The following BANK1 variants were observed in gnomAD, a reference collection of about 807,000 sequenced individuals.
The protein encoded by BANK1 is B-cell scaffold protein with ankyrin repeats.
BANK1 carries 95 observed loss-of-function variants against 94.5 expected under a neutral mutation model. That is an observed-to-expected ratio of 1.00 (90% CI 0.85 to 1.19). The LOEUF is 1.19. Ranked by LOEUF, BANK1 falls within the 50% of genes most tolerant of loss-of-function variation. The probability of loss-of-function intolerance (pLI) is 0.00; values close to 1 mark genes in which losing one functional copy is unlikely to be tolerated. For synonymous variants in BANK1, 334 were observed against 308.4 expected (o/e 1.08, Z -0.87); for missense variants, 987 against 932.2 (o/e 1.06, Z -0.77).
chr4:101,847,894 C>A (rs1234472007), intron 2 of BANK1, among the ~76,000 whole-genome samples: 1 of 152,106 alleles, frequency 6.6e-6, no homozygotes. Flanking sequence ...TTGCCCCGTT[C>A]AAATTGTTAC....
At chr4:101,837,395 A>T (rs1198327184) in intron 2 of BANK1, among the ~76,000 whole-genome samples, 2 of 152,160 alleles carry the variant, frequency 1.3e-5, no homozygotes, top group East Asian at 3.9e-4. Context: ...AATTAAAGTG[A>T]TGGATTGTTT....
chr4:101,834,814 A>C (rs537806954), intron 2 of BANK1, among the ~76,000 whole-genome samples: 1 of 152,336 alleles, frequency 6.6e-6, no homozygotes, highest in East Asian at 1.9e-4. Flanking sequence ...CATGGAAATA[A>C]TTAAATGTTC....
At chr4:102,008,479 A>G (rs1023572850) in intron 7 of BANK1, among the ~76,000 whole-genome samples, 1 of 152,254 alleles carries the variant, frequency 6.6e-6, no homozygotes, top group South Asian at 2.1e-4. Flanking sequence ...GGAGTTGTAA[A>G]TAAAATTGTA....
intron 7 of BANK1, among the ~76,000 whole-genome samples, chr4:102,010,197 A>G (rs555064664): frequency 9.9e-4 from 150 of 151,702 alleles, no homozygotes; most frequent in Middle Eastern, 3.4e-3. Flanking sequence ...CCCGGGAGGC[A>G]GAGCTTGCAG....
chr4:101,818,135 T>C (rs1725991882), intron 1 of BANK1, among the ~76,000 whole-genome samples: 1 of 152,202 alleles, frequency 6.6e-6, no homozygotes, highest in Non-Finnish European at 1.5e-5. Flanking sequence ...CTGTATGGCA[T>C]ATAGATATGG....
chr4:101,933,881 C>A (rs1173265643), intron 7 of BANK1, among the ~76,000 whole-genome samples: 4 of 151,432 alleles, frequency 2.6e-5, no homozygotes, highest in Non-Finnish European at 4.4e-5. Flanking sequence ...GAGACACTGT[C>A]GTTTAGGAGT....
intron 7 of BANK1, among the ~76,000 whole-genome samples, chr4:102,013,705 T>A (rs1331855613): frequency 1.3e-5 from 2 of 151,994 alleles, no homozygotes; most frequent in Non-Finnish European, 2.9e-5. Context: ...TCTTTTTTTT[T>A]AATCTTTTGA....
intron 7 of BANK1, among the ~76,000 whole-genome samples, chr4:101,934,205 C>A (rs1723452093): frequency 6.6e-6 from 1 of 151,312 alleles, no homozygotes; most frequent in Non-Finnish European, 1.5e-5. Context: ...TTGTTAGCAG[C>A]CTAAGGGTAT....
intron 3 of BANK1, among the ~76,000 whole-genome samples, chr4:101,856,240 C>T (rs893504938): frequency 4.3e-4 from 65 of 152,242 alleles, no homozygotes; most frequent in African/African-American, 1.5e-3. Context: ...AGAAGAATTG[C>T]TGTTTTAAGC....
intron 2 of BANK1, among the ~76,000 whole-genome samples, chr4:101,844,996 T>A (rs569822685): frequency 6.6e-6 from 1 of 152,198 alleles, no homozygotes; most frequent in African/African-American, 2.4e-5. Context: ...GTTTCTACAA[T>A]TTTTTAAGCT....
At chr4:101,974,649 T>C (rs1725064047) in intron 7 of BANK1, among the ~76,000 whole-genome samples, 3 of 152,170 alleles carry the variant, frequency 2.0e-5, no homozygotes, top group Admixed American at 2.0e-4. Flanking sequence ...TCTTGTGTTA[T>C]GTCTTATTGA....
At chr4:102,001,504 G>A (rs1389474559) in intron 7 of BANK1, among the ~76,000 whole-genome samples, 1 of 152,188 alleles carries the variant, frequency 6.6e-6, no homozygotes, top group Non-Finnish European at 1.5e-5. Flanking sequence ...GGAGGCTGAG[G>A]CAGGAGAATT....
At chr4:101,968,752 T>C (rs58064449) in intron 7 of BANK1, among the ~76,000 whole-genome samples, 2 of 152,216 alleles carry the variant, frequency 1.3e-5, no homozygotes, top group African/African-American at 4.8e-5. Context: ...CCCTCATGTA[T>C]CATACAAATG....
chr4:101,890,391 T>G (rs1721809866), intron 5 of BANK1, among the ~76,000 whole-genome samples: 1 of 151,940 alleles, frequency 6.6e-6, no homozygotes, highest in African/African-American at 2.4e-5. Context: ...TCTTGATGGA[T>G]TGACTCTATC....
At chr4:101,791,054 C>A in intron 1 of BANK1, 104 bp downstream of exon 1, 1 of 928,414 alleles carries the variant, frequency 1.1e-6, no homozygotes, top group Non-Finnish European at 1.5e-6. Flanking sequence ...GCACTGAGGC[C>A]AGGGCGTCCC....
intron 7 of BANK1, among the ~76,000 whole-genome samples, chr4:102,001,376 C>T (rs1290232198): frequency 6.6e-6 from 1 of 152,090 alleles, no homozygotes; most frequent in Non-Finnish European, 1.5e-5. Context: ...CCGAGATGGG[C>T]GGATCACGAG....
intron 3 of BANK1, among the ~76,000 whole-genome samples, chr4:101,857,846 T>C (rs969142902): frequency 6.6e-6 from 1 of 152,232 alleles, no homozygotes; most frequent in Admixed American, 6.5e-5. Flanking sequence ...CTTCTTTTAC[T>C]TTCTATAAGA....
intron 2 of BANK1, among the ~76,000 whole-genome samples, chr4:101,835,822 C>T (rs565449012): frequency 6.6e-6 from 1 of 152,318 alleles, no homozygotes; most frequent in African/African-American, 2.4e-5. Flanking sequence ...CAGGCCATTT[C>T]TGTCACCAGC....
intron 11 of BANK1, among the ~76,000 whole-genome samples, chr4:102,051,759 A>C (rs899720794): frequency 7.2e-5 from 11 of 152,158 alleles, no homozygotes; most frequent in African/African-American, 2.7e-4. Context: ...TTCCATATAC[A>C]TGCAGAAAAT....
Sources: gnomAD v4.1 joint callset for allele counts (sites outside exome capture counted in the v4.1 genomes callset) on GRCh38, gnomAD v4.1.1 for gene constraint, MANE v1.5 for transcripts, NCBI Gene and HGNC (gene_info 2026-07-23, HGNC 2026-07-21) for gene names.